Variants in SORT1 observed in about 807,000 individuals in gnomAD.
SORT1 encodes sortilin 1.
In SORT1, 39 loss-of-function variants were observed where a neutral mutation model predicts 101.7. The observed-to-expected ratio is 0.38, with a 90% confidence interval of 0.30 to 0.50. The LOEUF (loss-of-function observed/expected upper bound fraction) is 0.50, where lower values mean the gene tolerates loss of function less well. Among genes scored for constraint, SORT1 ranks in the 20% least tolerant of loss-of-function variants. The pLI, the probability that SORT1 is intolerant of heterozygous loss-of-function variation, is 0.90. For synonymous variants in SORT1, 396 were observed against 393.7 expected (o/e 1.01, Z -0.07); for missense variants, 878 against 1,040.4 (o/e 0.84, Z 2.15).
In SORT1 at chr1:109,327,544, C is replaced by A; in HGVS notation, c.1429G>T (p.Ala477Ser). The A allele has an allele frequency of 6.2e-7, 1 of 1,611,914 alleles. No homozygotes were observed. Among genetic ancestry groups the A allele is most frequent in the Non-Finnish European group, 8.5e-7 (1 of 1,179,348 alleles). Residue 477 changes from alanine (A) to serine (S), a missense_variant, in exon 12 of 20, where the codon GCC (alanine) becomes TCC (serine). Around this residue, in one of 2 missense-constraint regions of SORT1, gnomAD observed 684 missense variants for 894.5 expected, o/e 0.76. Coordinates refer to ENST00000256637, the MANE Select transcript of SORT1 (RefSeq NM_002959.7). ...ACGGCATTCGGCTCTGAGAGTGGGG[C>A]CATTGGAACATTCAGTTTCTGGGAG... ...SISQKLNVPM[A>S]PLSEPNAVGI...
chr1:109,371,664 A>G (rs1651489040), intron 1 of SORT1, among the ~76,000 whole-genome samples: 1 of 152,176 alleles, frequency 6.6e-6, no homozygotes, highest in Non-Finnish European at 1.5e-5. Context: ...TTGCTCAACT[A>G]CAGAATGAGG....
chr1:109,397,837 C>T lies in SORT1; in HGVS notation c.56G>A (p.Gly19Asp). ...DGLSRWPHGL[G>D]LLLLLQLLPP... ...CAGCAGCTGCAGGAGGAGGAGGAGGCCGAGGCCATGGGGCCAGCGCGAGAG... is the reference window on the plus strand; with the variant it reads ...CAGCAGCTGCAGGAGGAGGAGGAGGTCGAGGCCATGGGGCCAGCGCGAGAG... Residue 19 changes from glycine to aspartate, a missense_variant, in exon 1 of 20, where the codon GGC becomes GAC. By Grantham distance (94) the Gly-to-Asp change is moderately conservative (BLOSUM62 -1). Around this residue, in one of 2 missense-constraint regions of SORT1, gnomAD observed 194 missense variants for 145.9 expected, o/e 1.33. Transcript: ENST00000256637. The T allele has an allele frequency of 7.7e-7, 1 of 1,301,592 alleles. No individual in the cohort carries two copies. The highest frequency in any genetic ancestry group is 9.9e-7 in the Non-Finnish European group (1 of 1,014,218). The allele number at this position is 1,301,592 out of a possible 1,614,324, so 80.6% of individuals were successfully genotyped here. A position where few individuals can be genotyped will look rare whatever the true frequency, so the allele number is the denominator to read the frequency against.
chr1:109,309,807 A>G lies in SORT1; in HGVS notation c.*4236T>C, dbSNP rs1557770135. 1 of 152,392 alleles carries G rather than the reference A, an allele frequency of 6.6e-6. No individual in the cohort carries two copies. The highest frequency in any genetic ancestry group is 1.5e-5 in the Non-Finnish European group (1 of 68,044). 9.4% of individuals were successfully genotyped at this position (152,392 alleles called of 1,614,324 possible). ...ACATGCAATTTTCTGTCCTAAGGGAATAGAAAACTTGGGTTTTTAGGGCAC... is the reference window on the plus strand; with the variant it reads ...ACATGCAATTTTCTGTCCTAAGGGAGTAGAAAACTTGGGTTTTTAGGGCAC... On this transcript the variant is annotated 3_prime_UTR_variant, in exon 20 of 20. Coordinates refer to ENST00000256637, the MANE Select transcript of SORT1 (RefSeq NM_002959.7).
chr1:109,341,633 G>C (rs749540450), intron 9 of SORT1, among the ~76,000 whole-genome samples: 2 of 152,146 alleles, frequency 1.3e-5, no homozygotes, highest in Non-Finnish European at 2.9e-5. Context: ...ACAGGTGTGA[G>C]CCACTGCGCC....
intron 11 of SORT1, among the ~76,000 whole-genome samples, chr1:109,335,523 A>G (rs1232589481): frequency 6.6e-6 from 1 of 152,216 alleles, no homozygotes; most frequent in Non-Finnish European, 1.5e-5. Context: ...AACCCCACCT[A>G]GAAAAGCAAA....
intron 5 of SORT1, among the ~76,000 whole-genome samples, chr1:109,351,248 C>A (rs1649939360): frequency 6.6e-6 from 1 of 152,306 alleles, no homozygotes; most frequent in South Asian, 2.1e-4. Flanking sequence ...AGATGTTGCA[C>A]TGGGGATACA....
chr1:109,321,870 T>C (rs530956972), intron 15 of SORT1, among the ~76,000 whole-genome samples: 2 of 152,304 alleles, frequency 1.3e-5, no homozygotes, highest in South Asian at 4.1e-4. Context: ...TGCCCTTATA[T>C]AATCAACTAA....
intron 1 of SORT1, among the ~76,000 whole-genome samples, chr1:109,377,107 A>T (rs1651910912): frequency 6.6e-6 from 1 of 152,152 alleles, no homozygotes; most frequent in East Asian, 1.9e-4. Flanking sequence ...CATTATCCTC[A>T]CAGCATTCAC....
At chr1:109,358,484 T>C (rs565738707) in intron 3 of SORT1, among the ~76,000 whole-genome samples, 1 of 152,292 alleles carries the variant, frequency 6.6e-6, no homozygotes, top group African/African-American at 2.4e-5. Context: ...AAATTCCATA[T>C]GATAATTAAT....
At chr1:109,345,706 A>G in intron 8 of SORT1, 45 bp downstream of exon 8, 1 of 1,553,706 alleles carries the variant, frequency 6.4e-7, no homozygotes, top group Non-Finnish European at 8.7e-7. Flanking sequence ...TACGAGAGAT[A>G]TTTGCAGAAA....
chr1:109,338,856 G>T (rs1384389039), intron 10 of SORT1, among the ~76,000 whole-genome samples: 3 of 151,814 alleles, frequency 2.0e-5, no homozygotes, highest in Non-Finnish European at 4.4e-5. Context: ...ACCACCACCA[G>T]GCCAAACCCT....
In SORT1 at chr1:109,354,518, G is replaced by A. The variant is rs1650177383; in HGVS notation, c.557C>T (p.Ala186Val). The A allele has an allele frequency of 1.2e-6, 2 of 1,612,816 alleles. No individual in the cohort carries two copies. Among genetic ancestry groups the A allele is most frequent in the Non-Finnish European group, 1.7e-6 (2 of 1,179,048 alleles). ...TCCACGACTTCCTCCAGACACCTCT[G>A]CTGTTAACACCACCTGATAGGAAGA... Reference protein sequence around the residue: ...PENSGKVVLTAEVSGGSRGGR... With the variant: ...PENSGKVVLTVEVSGGSRGGR... The change falls in exon 5 of 20, where the codon GCA becomes GTA. Residue 186 changes from alanine (A) to valine (V), a missense_variant. This residue lies in a region of SORT1 where 684 missense variants were observed against 894.5 expected (regional missense o/e 0.76). Transcript: ENST00000256637.
chr1:109,354,301 T>G, intron 5 of SORT1, 66 bp downstream of exon 5: 1 of 1,250,122 alleles, frequency 8.0e-7, no homozygotes, highest in Non-Finnish European at 1.2e-6. Context: ...TAAAGGATCC[T>G]TCTAAGACAG....
At chr1:109,367,680 T>C (rs1416479564) in intron 2 of SORT1, among the ~76,000 whole-genome samples, 199 bp from the exon 3 acceptor site, 1 of 152,178 alleles carries the variant, frequency 6.6e-6, no homozygotes, top group African/African-American at 2.4e-5. Context: ...TGATCCCCAT[T>C]GCCTCCATTG....
intron 11 of SORT1, among the ~76,000 whole-genome samples, chr1:109,334,382 G>C (rs1221038374): frequency 6.6e-6 from 1 of 152,176 alleles, no homozygotes; most frequent in Non-Finnish European, 1.5e-5. Flanking sequence ...CCTGTCATCT[G>C]TTGAAAACAT....
chr1:109,326,510 C>CATATATACACACATAT (rs34942536), intron 13 of SORT1, among the ~76,000 whole-genome samples: 2 of 132,682 alleles, frequency 1.5e-5, no homozygotes, highest in African/African-American at 5.8e-5. Context: ...TATATACACA[C>CATATATACACACATAT]ATACACATAT....
intron 1 of SORT1, among the ~76,000 whole-genome samples, chr1:109,396,981 T>C (rs1443061138): frequency 6.6e-6 from 1 of 152,190 alleles, no homozygotes; most frequent in East Asian, 1.9e-4. Context: ...ATGCGTTTCT[T>C]AACTATTGAA....
In SORT1 at chr1:109,397,659, G is replaced by A; in HGVS notation, c.234C>T (p.Ser78=). The A allele has an allele frequency of 1.6e-6, 2 of 1,223,040 alleles. No homozygotes were observed. Among genetic ancestry groups the A allele is most frequent in the South Asian group, 2.1e-5 (1 of 48,010 alleles). 75.8% of individuals were successfully genotyped at this position (1,223,040 alleles called of 1,614,324 possible). The change falls in exon 1 of 20, where the codon AGC becomes AGT. Residue 78 remains serine (S), a synonymous_variant. Coordinates refer to ENST00000256637, the MANE Select transcript of SORT1 (RefSeq NM_002959.7). ...AFPRGGRWRR[S]APGEDEECGR... Reference sequence around the variant, plus strand: ...CGCACTCCTCGTCCTCGCCCGGCGCGCTGCGACGCCAACGGCCGCCGCGGG... The same window carrying A: ...CGCACTCCTCGTCCTCGCCCGGCGCACTGCGACGCCAACGGCCGCCGCGGG...
chr1:109,393,139 C>G, intron 1 of SORT1: 1 of 985,470 alleles, frequency 1.0e-6, no homozygotes, highest in Non-Finnish European at 1.2e-6. Context: ...TCAGCTTGGA[C>G]TCAACCCTGC....
Sources: gnomAD v4.1 joint callset for allele counts (sites outside exome capture counted in the v4.1 genomes callset) on GRCh38, gnomAD v4.1.1 for gene constraint, gnomAD v4.1.1 regional missense constraint, MANE v1.5 for transcripts, NCBI Gene and HGNC (gene_info 2026-07-23, HGNC 2026-07-21) for gene names.